The following PRDM16 variants were observed in gnomAD, a reference collection of about 807,000 sequenced individuals.
PRDM16 encodes the protein PR/SET domain 16, also known as histone-lysine N-methyltransferase PRDM16.
A neutral mutation model predicts 110.6 loss-of-function variants in PRDM16; 23 were observed. The observed-to-expected ratio is 0.21, with a 90% CI of 0.15 to 0.29. PRDM16 has a LOEUF of 0.29. Among genes scored for constraint, PRDM16 ranks in the 10% least tolerant of loss-of-function variants. The pLI, the probability that PRDM16 is intolerant of heterozygous loss-of-function variation, is 1.00. For synonymous variants in PRDM16, 799 were observed against 781.8 expected (o/e 1.02, Z -0.37); for missense variants, 1,615 against 1,794.3 (o/e 0.90, Z 1.81).
intron 2 of PRDM16, among the ~76,000 whole-genome samples, chr1:3,205,750 C>T (rs1638739215): frequency 1.3e-5 from 2 of 152,080 alleles, no homozygotes; most frequent in Admixed American, 6.5e-5. Flanking sequence ...CTGGGCAGTC[C>T]AGGGGCAAGG....
rs781154573 is a variant in PRDM16 at position 3,411,552 on chromosome 1, C to T, written c.1355C>T (p.Thr452Met). 1.7e-5 allele frequency: 27 copies of T among 1,614,142 alleles called. No individual in the cohort carries two copies. The highest frequency in any genetic ancestry group is 3.3e-4 in the Middle Eastern group (2 of 6,062). The change falls in exon 9 of 17, where the codon ACG becomes ATG. Residue 452 changes from threonine to methionine, a missense_variant. By Grantham distance (81) the Thr-to-Met change is moderately conservative. This residue lies in a region of PRDM16 where 772 missense variants were observed against 748.3 expected (regional missense o/e 1.03). Coordinates refer to ENST00000270722, the MANE Select transcript of PRDM16 (RefSeq NM_022114.4). ...RRFCEGKNHY[T>M]PGGIFAPGLP... is the part of the protein sequence containing the mutation. ...TTCTGCGAGGGCAAGAACCATTACA[C>T]GCCGGGCGGCATCTTTGCCCCGGGC...
At chr1:3,297,070 C>T (rs960464499) in intron 3 of PRDM16, among the ~76,000 whole-genome samples, 2 of 152,132 alleles carry the variant, frequency 1.3e-5, no homozygotes, top group African/African-American at 4.8e-5. Context: ...CCTCAGTGTG[C>T]GGTTTCCACT....
intron 1 of PRDM16, among the ~76,000 whole-genome samples, chr1:3,149,312 G>A (rs966143668): frequency 6.6e-6 from 1 of 152,204 alleles, no homozygotes; most frequent in African/African-American, 2.4e-5. Flanking sequence ...GGTCTAGGGT[G>A]GCAGGATGGC....
chr1:3,243,943 C>A lies in PRDM16; in HGVS notation c.388-144C>A. On this transcript the variant is annotated intron_variant, in intron 2 of 16. Coordinates refer to ENST00000270722, the MANE Select transcript of PRDM16 (RefSeq NM_022114.4). This position sits in a 1 kb window ranked among gnomAD's most constrained non-coding sequence, Gnocchi z 5.5. Reference sequence around the variant, plus strand: ...AAGGGATACCTGTGATCAATGGAACCCTTCATTTCCTGCTGTGGAGAAGCC... The same window carrying A: ...AAGGGATACCTGTGATCAATGGAACACTTCATTTCCTGCTGTGGAGAAGCC... 1 of 751,248 alleles carries A rather than the reference C, an allele frequency of 1.3e-6. No individual in the cohort carries two copies. The allele number at this position is 751,248 out of a possible 1,614,324, so 46.5% of individuals were successfully genotyped here. A position where few individuals can be genotyped will look rare whatever the true frequency, so the allele number is the denominator to read the frequency against.
chr1:3,374,455 C>T (rs1221827913), intron 3 of PRDM16, among the ~76,000 whole-genome samples: 2 of 152,228 alleles, frequency 1.3e-5, no homozygotes, highest in Non-Finnish European at 2.9e-5. Context: ...ATGGCAGAGA[C>T]GGAGGCTCCC....
chr1:3,109,821 C>T (rs1390633591), intron 1 of PRDM16, among the ~76,000 whole-genome samples: 1 of 152,212 alleles, frequency 6.6e-6, no homozygotes, highest in Admixed American at 6.5e-5. Flanking sequence ...GATGAGTGGC[C>T]GGTGTGTTTT....
chr1:3,393,937 C>T (rs1326249285), intron 4 of PRDM16, among the ~76,000 whole-genome samples: 2 of 152,176 alleles, frequency 1.3e-5, no homozygotes, highest in Admixed American at 1.3e-4. Context: ...GGCCAAGGCG[C>T]CCTCCTCCTG....
chr1:3,169,406 G>A (rs1211232793), intron 1 of PRDM16, among the ~76,000 whole-genome samples: 2 of 152,226 alleles, frequency 1.3e-5, no homozygotes, highest in African/African-American at 4.8e-5. Context: ...CCTCAGGGCC[G>A]GGGGTTGGAA....
At chr1:3,252,337 C>T (rs1204113840) in intron 3 of PRDM16, among the ~76,000 whole-genome samples, 1 of 152,082 alleles carries the variant, frequency 6.6e-6, no homozygotes, top group South Asian at 2.1e-4. Context: ...CTCTGCATAA[C>T]GGTGTCCAGG....
chr1:3,412,632 G>A lies in PRDM16; in HGVS notation c.2435G>A (p.Arg812His), dbSNP rs764936593. Residue 812 changes from arginine (R) to histidine (H), a missense_variant, in exon 9 of 17, where the codon CGT becomes CAT. This residue lies in a region of PRDM16 where 772 missense variants were observed against 748.3 expected (regional missense o/e 1.03). Transcript: ENST00000270722. ...GACCTGAGCATCGGCAGCCGGGCCC[G>A]TGCCAGCCAAAACGGCGGCGGGCGG... Reference protein sequence around the residue: ...PLDLSIGSRARASQNGGGREP... With the variant: ...PLDLSIGSRAHASQNGGGREP... The A allele has an allele frequency of 1.0e-5, 16 of 1,578,072 alleles. No homozygotes were observed. The highest frequency in any genetic ancestry group is 6.9e-5 in the East Asian group (3 of 43,542).
intron 2 of PRDM16, among the ~76,000 whole-genome samples, chr1:3,235,735 G>A (rs978562428): frequency 3.1e-4 from 47 of 152,216 alleles, no homozygotes; most frequent in Admixed American, 3.1e-3. Context: ...CAGGACGGCG[G>A]GGGCGGGGTG....
chr1:3,167,041 C>A (rs1643965274), intron 1 of PRDM16, among the ~76,000 whole-genome samples: 1 of 152,150 alleles, frequency 6.6e-6, no homozygotes, highest in South Asian at 2.1e-4. Context: ...AGAAGGACTC[C>A]CAGGGAGGTG....
chr1:3,233,749 G>A lies in PRDM16; in HGVS notation c.388-10338G>A, dbSNP rs137867583. Among the ~76,000 whole-genome samples, 18 of 152,288 alleles carry A rather than the reference G, an allele frequency of 1.2e-4. No homozygotes were observed. In the East Asian group the frequency reaches 3.5e-3, roughly 29 times the overall value. ...AAGAGGGCAGGGCAAGCTTTTGGAG[G>A]TGATGGATGGGTTTATGGTGTGGAT... On this transcript the variant is annotated intron_variant, in intron 2 of 16. Coordinates refer to ENST00000270722, the MANE Select transcript of PRDM16 (RefSeq NM_022114.4).
chr1:3,205,151 C>A (rs1001144559), intron 2 of PRDM16, among the ~76,000 whole-genome samples: 17 of 149,012 alleles, frequency 1.1e-4, no homozygotes, highest in Admixed American at 2.7e-4. Flanking sequence ...AGAGTATGTT[C>A]TTACCTAGAG....
At chr1:3,161,079 C>G (rs1643893118) in intron 1 of PRDM16, among the ~76,000 whole-genome samples, 1 of 152,208 alleles carries the variant, frequency 6.6e-6, no homozygotes, top group Non-Finnish European at 1.5e-5. Context: ...CGTTTTGCTG[C>G]CCCCACTCCC....
intron 3 of PRDM16, among the ~76,000 whole-genome samples, chr1:3,291,099 G>A (rs1255059585): frequency 6.6e-6 from 1 of 152,024 alleles, no homozygotes; most frequent in African/African-American, 2.4e-5. Context: ...TTGGAGACAC[G>A]AGTAGCAGTT....
intron 3 of PRDM16, among the ~76,000 whole-genome samples, chr1:3,352,985 G>A (rs751202570): frequency 2.0e-5 from 3 of 152,348 alleles, no homozygotes; most frequent in Admixed American, 6.5e-5. Context: ...ATGCGTGGCC[G>A]GAGGCAGAGG....
At position 3,175,559 on chromosome 1, in the gene PRDM16, C is replaced by T. The variant is rs1359618167; in HGVS notation, c.38-10566C>T. On this transcript the variant is annotated intron_variant, in intron 1 of 16. Transcript: ENST00000270722. The surrounding 1 kb of genome is among the most constrained non-coding windows in gnomAD (Gnocchi z 4.8). Reference sequence around the variant, plus strand: ...GGTCTCTGACCCACTACACAGCACTCCTCCCTGCTTGGTTCTGAGAAGGAA... The same window carrying T: ...GGTCTCTGACCCACTACACAGCACTTCTCCCTGCTTGGTTCTGAGAAGGAA... 3.9e-5 allele frequency among the ~76,000 whole-genome samples: 6 copies of T among 152,082 alleles called. No individual in the cohort carries two copies. Among genetic ancestry groups the T allele is most frequent in the Non-Finnish European group, 7.4e-5 (5 of 68,012 alleles).
intron 1 of PRDM16, among the ~76,000 whole-genome samples, chr1:3,155,672 G>A (rs929060525): frequency 1.3e-5 from 2 of 152,246 alleles, no homozygotes; most frequent in Non-Finnish European, 2.9e-5. Flanking sequence ...TTCAAACAGC[G>A]CCGTTTTCCA....
Sources: allele counts gnomAD v4.1 joint callset (sites outside exome capture counted in the v4.1 genomes callset), GRCh38; gene constraint gnomAD v4.1.1; regional missense constraint gnomAD v4.1.1; non-coding constraint Gnocchi (gnomAD v3.1); transcripts MANE v1.5; gene names NCBI Gene and HGNC (gene_info 2026-07-23, HGNC 2026-07-21).